Variants in KIRREL3 observed in about 807,000 individuals in gnomAD.
KIRREL3 encodes kin of IRRE-like protein 3.
Under a neutral mutation model 89.7 loss-of-function variants are expected in KIRREL3, and 36 were observed. The observed-to-expected ratio is 0.40, with a 90% CI of 0.31 to 0.53. The LOEUF is 0.53. Among genes scored for constraint, KIRREL3 ranks in the 20% least tolerant of loss-of-function variants. The pLI, the probability that KIRREL3 is intolerant of heterozygous loss-of-function variation, is 0.49. For missense variants in KIRREL3, 864 were observed against 1,056.6 expected (o/e 0.82, Z 2.53); for synonymous variants, 445 against 441.4 (o/e 1.01, Z -0.10).
intron 1 of KIRREL3, among the ~76,000 whole-genome samples, chr11:126,932,532 C>T (rs986819677): frequency 3.2e-4 from 49 of 152,152 alleles, no homozygotes; most frequent in African/African-American, 8.2e-4. Context: ...TGAAGGTTTT[C>T]GGCCCATACA....
At chr11:126,435,223 C>G (rs1285494008) in intron 13 of KIRREL3, 45 bp downstream of exon 13, 1 of 1,607,044 alleles carries the variant, frequency 6.2e-7, no homozygotes, top group African/African-American at 1.3e-5. Flanking sequence ...GCCAGGAAGT[C>G]CCTTCCCCCC....
intron 1 of KIRREL3, among the ~76,000 whole-genome samples, chr11:126,784,987 C>T (rs1279903131): frequency 6.6e-6 from 1 of 152,166 alleles, no homozygotes; most frequent in Non-Finnish European, 1.5e-5. Flanking sequence ...GCTCTGGTTC[C>T]CTACCTGTGT....
rs756545626 is a variant in KIRREL3 at position 126,821,351 on chromosome 11, A to ATATGTG, written c.55+179103_55+179104insCACATA. ...ACAGTATATATATATATATATATAT[A>ATATGTG]TGTAACTTCCAACCAACATCCCTTC... On this transcript the variant is annotated intron_variant, in intron 1 of 16. Transcript: ENST00000525144. Among the ~76,000 whole-genome samples the ATATGTG allele has an allele frequency of 7.6e-4, 79 of 104,494 alleles. 9 individuals carry two copies. The highest frequency in any genetic ancestry group is 3.0e-3 in the East Asian group (9 of 2,978). The allele number at this position is 104,494 out of a possible 152,430, so 68.6% of individuals were successfully genotyped here.
chr11:126,592,858 CA>C (rs1409101999), intron 1 of KIRREL3, among the ~76,000 whole-genome samples: 14 of 152,068 alleles, frequency 9.2e-5, no homozygotes, highest in African/African-American at 3.4e-4. Flanking sequence ...TCAGCTCAGG[CA>C]GAAAAGGCCT....
At chr11:126,741,032 G>A (rs777400996) in intron 1 of KIRREL3, among the ~76,000 whole-genome samples, 83 of 152,138 alleles carry the variant, frequency 5.5e-4, no homozygotes, top group Non-Finnish European at 8.7e-4. Flanking sequence ...CTGCAGACCC[G>A]GAATGGAAAA....
chr11:126,667,036 C>A (rs762245466), intron 1 of KIRREL3, among the ~76,000 whole-genome samples: 15 of 151,776 alleles, frequency 9.9e-5, no homozygotes, highest in Non-Finnish European at 2.2e-4. Context: ...AACTCTACAT[C>A]ATTTTGTACA....
chr11:126,646,771 G>A (rs937060785), intron 1 of KIRREL3, among the ~76,000 whole-genome samples: 4 of 152,006 alleles, frequency 2.6e-5, no homozygotes, highest in Non-Finnish European at 5.9e-5. Context: ...CACTGCGCCC[G>A]GCCACCCCAA....
rs1406912632 is a variant in KIRREL3, at chr11:126,550,865, T to A, written c.133+11970A>T. 6.6e-6 allele frequency among the ~76,000 whole-genome samples: 1 copy of A among 152,050 alleles called. No individual in the cohort carries two copies. Among genetic ancestry groups the A allele is most frequent in the African/African-American group, 2.4e-5 (1 of 41,404 alleles). ...CCAGCTGGGTGTCCTCCAATTCAAT[T>A]CTGACACTGTCTACCTGGAGATAGT... On this transcript the variant is annotated intron_variant, in intron 2 of 16. Coordinates refer to ENST00000525144, the MANE Select transcript of KIRREL3 (RefSeq NM_032531.4). This position sits in a 1 kb window ranked among gnomAD's most constrained non-coding sequence, Gnocchi z 4.9.
intron 1 of KIRREL3, among the ~76,000 whole-genome samples, chr11:126,832,557 C>A (rs1344559805): frequency 2.6e-5 from 4 of 152,140 alleles, no homozygotes; most frequent in Non-Finnish European, 5.9e-5. Flanking sequence ...CCACTCAGAG[C>A]TAGTGCTCTG....
chr11:126,582,206 C>T (rs1941587163), intron 1 of KIRREL3, among the ~76,000 whole-genome samples: 1 of 152,188 alleles, frequency 6.6e-6, no homozygotes. Context: ...AAGCGAGGGG[C>T]ATACTCTCAA....
intron 1 of KIRREL3, among the ~76,000 whole-genome samples, chr11:126,760,075 C>G (rs1202952862): frequency 6.6e-6 from 1 of 152,200 alleles, no homozygotes; most frequent in Non-Finnish European, 1.5e-5. Flanking sequence ...CCCACTGGCC[C>G]TGTCCTCTTG....
intron 1 of KIRREL3, among the ~76,000 whole-genome samples, chr11:126,963,883 C>T (rs1949179365): frequency 6.6e-6 from 1 of 152,184 alleles, no homozygotes; most frequent in Admixed American, 6.5e-5. Flanking sequence ...CAGGATATGA[C>T]TCCAATGCCA....
intron 7 of KIRREL3, among the ~76,000 whole-genome samples, chr11:126,451,399 C>A (rs367560999): frequency 7.6e-4 from 56 of 73,480 alleles, no homozygotes; most frequent in Non-Finnish European, 1.2e-3. Context: ...TGAACGTGTG[C>A]ATGTGTGCAT....
chr11:126,469,216 C>A (rs373790380), intron 5 of KIRREL3, among the ~76,000 whole-genome samples: 2 of 152,228 alleles, frequency 1.3e-5, no homozygotes, highest in South Asian at 4.1e-4. Context: ...CCTGAGCCCA[C>A]GGGGATAATC....
At position 126,706,488 on chromosome 11, in the gene KIRREL3, C is replaced by T. The variant is rs1947533180; in HGVS notation, c.56-143576G>A. On this transcript the variant is annotated intron_variant, in intron 1 of 16. Coordinates refer to ENST00000525144, the MANE Select transcript of KIRREL3 (RefSeq NM_032531.4). ...TTTGTTCACATGTATAAATATATGT[C>T]TCTAGGTTAAATTTCTAGGAACAAA... 1.3e-5 allele frequency among the ~76,000 whole-genome samples: 2 copies of T among 152,188 alleles called. 1 individual carries two copies. Among genetic ancestry groups the T allele is most frequent in the Admixed American group, 1.3e-4 (2 of 15,300 alleles).
rs961330451 is a variant in KIRREL3 at position 126,492,258 on chromosome 11, GGA to G, written c.434-18794_434-18793del. 6.6e-6 allele frequency among the ~76,000 whole-genome samples: 1 copy of G among 152,160 alleles called. No homozygotes were observed. Among genetic ancestry groups the G allele is most frequent in the African/African-American group, 2.4e-5 (1 of 41,436 alleles). ...TTAGACATCTGGAAGAACTGTTGTT[GGA>G]GACACAGCTGGGGAAGGGAGGTCAG... On this transcript the variant is annotated intron_variant, in intron 4 of 16. Coordinates refer to ENST00000525144, the MANE Select transcript of KIRREL3 (RefSeq NM_032531.4). The surrounding 1 kb of genome is among the most constrained non-coding windows in gnomAD (Gnocchi z 4.8).
At position 126,641,196 on chromosome 11, in the gene KIRREL3, C is replaced by A. The variant is rs1944455663; in HGVS notation, c.56-78284G>T. On this transcript the variant is annotated intron_variant, in intron 1 of 16. Coordinates refer to ENST00000525144, the MANE Select transcript of KIRREL3 (RefSeq NM_032531.4). The surrounding 1 kb of genome is among the most constrained non-coding windows in gnomAD (Gnocchi z 5.0). ...CCTAGACTCTTCTCTTCCTTTCACACCCACATCCAATCTGTCAATGTAGCC... is the reference window on the plus strand; with the variant it reads ...CCTAGACTCTTCTCTTCCTTTCACAACCACATCCAATCTGTCAATGTAGCC... Among the ~76,000 whole-genome samples the A allele has an allele frequency of 6.6e-6, 1 of 152,182 alleles. No homozygotes were observed. Among genetic ancestry groups the A allele is most frequent in the Non-Finnish European group, 1.5e-5 (1 of 68,040 alleles).
At chr11:126,968,858 C>G (rs751527447) in intron 1 of KIRREL3, among the ~76,000 whole-genome samples, 16 of 152,146 alleles carry the variant, frequency 1.1e-4, no homozygotes, top group Non-Finnish European at 2.4e-4. Flanking sequence ...CACCTACCAA[C>G]TAGCTTACTG....
chr11:126,889,757 GA>G (rs1945839777), intron 1 of KIRREL3, among the ~76,000 whole-genome samples: 1 of 152,180 alleles, frequency 6.6e-6, no homozygotes, highest in South Asian at 2.1e-4. Flanking sequence ...GAGAACTTTG[GA>G]AAAATTATGA....
Sources: allele counts gnomAD v4.1 joint callset (sites outside exome capture counted in the v4.1 genomes callset), GRCh38; gene constraint gnomAD v4.1.1; non-coding constraint Gnocchi (gnomAD v3.1); transcripts MANE v1.5; gene names NCBI Gene and HGNC (gene_info 2026-07-23, HGNC 2026-07-21).